RGS6: variants seen among roughly 807,000 people sequenced by gnomAD.
The protein encoded by RGS6 is regulator of G-protein signaling 6.
A neutral mutation model predicts 78.5 loss-of-function variants in RGS6; 30 were observed. The ratio of observed to expected loss-of-function variants is 0.38; its 90% CI spans 0.29 to 0.52. The LOEUF (loss-of-function observed/expected upper bound fraction) is 0.52. Among genes scored for constraint, RGS6 ranks in the 20% least tolerant of loss-of-function variants. RGS6 has a pLI of 0.85. For synonymous variants in RGS6, 206 were observed against 206.0 expected, an observed-to-expected ratio of 1.00 and a Z score of 0.00; for missense variants, 495 against 609.7, an observed-to-expected ratio of 0.81 and a Z score of 1.98.
chr14:71,899,448 T>C, the RGS6 span, among the ~76,000 whole-genome samples: 3 of 152,238 alleles, frequency 2.0e-5, no homozygotes, highest in East Asian at 1.9e-4. Context: ...CTCCCCAGTA[T>C]TGACTTTACC....
chr14:72,039,496 T>G (rs956125151), intron 2 of RGS6, among the ~76,000 whole-genome samples: 2 of 152,224 alleles, frequency 1.3e-5, no homozygotes, highest in Non-Finnish European at 2.9e-5. Context: ...TTGTCTAATA[T>G]TGGTATAGCT....
At chr14:72,329,055 G>A (rs1333425416) in intron 2 of RGS6, among the ~76,000 whole-genome samples, 1 of 152,048 alleles carries the variant, frequency 6.6e-6, no homozygotes, top group Non-Finnish European at 1.5e-5. Context: ...ATATTTTTTA[G>A]TAGAGATGGC....
rs978890764 is a variant in RGS6 at position 72,239,305 on chromosome 14, C to T, written c.85-112790C>T. Among the ~76,000 whole-genome samples, 4 of 152,138 alleles carry T rather than the reference C, an allele frequency of 2.6e-5. No individual in the cohort carries two copies. In the East Asian group the frequency reaches 7.7e-4, roughly 29 times the overall value. ...CCCATCTGTGGCTTTCTTCCCTTTT[C>T]TGGTGGTGTGCCCCTGGAAGTCATA... On this transcript the variant is annotated intron_variant, in intron 2 of 17. Transcript: ENST00000553525.
At chr14:72,441,764 G>C (rs2095211691) in intron 3 of RGS6, among the ~76,000 whole-genome samples, 1 of 152,248 alleles carries the variant, frequency 6.6e-6, no homozygotes, top group Admixed American at 6.5e-5. Flanking sequence ...CAAAGCAGCT[G>C]GCTGTCCCCT....
chr14:72,554,419 G>A (rs2097543973), intron 17 of RGS6, among the ~76,000 whole-genome samples: 1 of 152,196 alleles, frequency 6.6e-6, no homozygotes, highest in Non-Finnish European at 1.5e-5. Flanking sequence ...GTCTCCCGTA[G>A]TCATAGTCAA....
chr14:72,435,952 G>A (rs1455328619), intron 3 of RGS6, among the ~76,000 whole-genome samples: 1 of 152,084 alleles, frequency 6.6e-6, no homozygotes, highest in East Asian at 1.9e-4. Context: ...ATGGACATCG[G>A]GGGGACATTA....
intron 2 of RGS6, among the ~76,000 whole-genome samples, chr14:72,267,007 T>A (rs1309584009): frequency 6.6e-6 from 1 of 152,184 alleles, no homozygotes; most frequent in Admixed American, 6.5e-5. Flanking sequence ...TGTTTGTTTG[T>A]TTGTTTGTTT....
At chr14:72,089,274 C>A (rs924767173) in intron 2 of RGS6, among the ~76,000 whole-genome samples, 14 of 152,148 alleles carry the variant, frequency 9.2e-5, no homozygotes, top group Non-Finnish European at 1.0e-4. Context: ...TAAATCACTG[C>A]CAATATGCAT....
intron 11 of RGS6, 105 bp downstream of exon 11, chr14:72,476,945 A>G (rs2096254246): frequency 1.0e-6 from 1 of 968,088 alleles, no homozygotes; most frequent in Non-Finnish European, 1.6e-6. Context: ...GTTCCTGGAA[A>G]CCACAGTGGA....
At chr14:72,099,992 C>T (rs7155479) in intron 2 of RGS6, among the ~76,000 whole-genome samples, 12,898 of 151,848 alleles carry the variant, frequency 0.085, 1,513 homozygotes, top group African/African-American at 0.26. Flanking sequence ...GATTTGGTTC[C>T]GAAAGCCAAG....
At chr14:72,138,374 T>C (rs1286755414) in intron 2 of RGS6, among the ~76,000 whole-genome samples, 1 of 151,674 alleles carries the variant, frequency 6.6e-6, no homozygotes, top group East Asian at 1.9e-4. Context: ...GTCTTCATCG[T>C]TCTTCCTCTG....
intron 3 of RGS6, among the ~76,000 whole-genome samples, chr14:72,361,102 T>TTTTTTC (rs1555352703): frequency 7.4e-6 from 1 of 134,434 alleles, no homozygotes; most frequent in African/African-American, 3.0e-5. Context: ...TTTTTTTTTT[T>TTTTTTC]CATAAATTAC....
the RGS6 span, among the ~76,000 whole-genome samples, chr14:72,615,914 G>A: frequency 1.3e-5 from 2 of 152,260 alleles, no homozygotes; most frequent in Admixed American, 1.3e-4. Flanking sequence ...GGGTCTGGCA[G>A]CCTCACCTCT....
chr14:72,439,338 A>AG (rs1209038795), intron 3 of RGS6, among the ~76,000 whole-genome samples: 17 of 152,232 alleles, frequency 1.1e-4, no homozygotes, highest in Non-Finnish European at 7.3e-5. Context: ...AGAAACCATG[A>AG]GGTGACCCAA....
intron 3 of RGS6, among the ~76,000 whole-genome samples, chr14:72,357,055 G>A (rs1480771517): frequency 6.6e-6 from 1 of 152,128 alleles, no homozygotes; most frequent in Non-Finnish European, 1.5e-5. Context: ...TGGATCATTT[G>A]AGGTCGGGAG....
At chr14:72,405,403 C>T (rs190567036) in intron 3 of RGS6, among the ~76,000 whole-genome samples, 6 of 152,274 alleles carry the variant, frequency 3.9e-5, no homozygotes, top group African/African-American at 4.8e-5. Context: ...CCTACATTTC[C>T]TTAATTATTT....
At chr14:72,391,071 A>G (rs1426662252) in intron 3 of RGS6, among the ~76,000 whole-genome samples, 2 of 152,244 alleles carry the variant, frequency 1.3e-5, no homozygotes, top group African/African-American at 4.8e-5. Flanking sequence ...ATGCAAGCAT[A>G]TGAATAAATC....
intron 2 of RGS6, among the ~76,000 whole-genome samples, chr14:72,190,523 C>T (rs1410178692): frequency 1.3e-5 from 2 of 152,202 alleles, no homozygotes. Context: ...ACACCAGGCC[C>T]TTCACGGGCA....
At chr14:72,609,600 G>A in the RGS6 span, among the ~76,000 whole-genome samples, 62 of 152,252 alleles carry the variant, frequency 4.1e-4, no homozygotes, top group African/African-American at 1.3e-3. Flanking sequence ...CGAAAGAGTG[G>A]GAACCTGACA....
Sources: allele counts gnomAD v4.1 joint callset (sites outside exome capture counted in the v4.1 genomes callset), GRCh38; gene constraint gnomAD v4.1.1; transcripts MANE v1.5; gene names NCBI Gene and HGNC (gene_info 2026-07-23, HGNC 2026-07-21).